STK3: variants seen among roughly 807,000 people sequenced by gnomAD.
The protein encoded by STK3 is serine/threonine kinase 3.
A neutral mutation model predicts 58.0 loss-of-function variants in STK3; 41 were observed. The observed-to-expected ratio is 0.71, with a 90% CI of 0.55 to 0.92. The LOEUF is 0.92. STK3 is among the 40% of genes least tolerant of loss of function. The pLI is 0.00. For synonymous variants in STK3, 170 were observed against 191.0 expected, an observed-to-expected ratio of 0.89 and a Z score of 0.91; for missense variants, 479 against 602.7, an observed-to-expected ratio of 0.79 and a Z score of 2.15.
At chr8:98,697,123 A>G (rs1351495341) in intron 6 of STK3, among the ~76,000 whole-genome samples, 9 of 152,200 alleles carry the variant, frequency 5.9e-5, no homozygotes, top group African/African-American at 1.7e-4. Context: ...CATTTCTTCT[A>G]GATTTTCTAG....
chr8:98,665,869 A>G (rs1333800381), intron 6 of STK3, among the ~76,000 whole-genome samples: 3 of 151,858 alleles, frequency 2.0e-5, no homozygotes, highest in Admixed American at 1.3e-4. Flanking sequence ...ACGCCCGGCT[A>G]ATTTTTTGTA....
rs1820762491 is a variant in STK3 at position 98,469,566 on chromosome 8, G to C, written c.1318-13566C>G. Among the ~76,000 whole-genome samples, 2 of 152,188 alleles carry C rather than the reference G, an allele frequency of 1.3e-5. 1 individual carries two copies. The highest frequency in any genetic ancestry group is 4.1e-4 in the South Asian group (2 of 4,828). On this transcript the variant is annotated intron_variant, in intron 10 of 10. Transcript: ENST00000419617. The stretch of plus-strand genomic sequence containing the variant: ...GAGGTTGGGGGACAGCACAAAGAAT[G>C]GCTGATCTTACTTTACATCTACTGG...
intron 3 of STK3, among the ~76,000 whole-genome samples, chr8:98,854,173 C>T (rs574555895): frequency 3.3e-5 from 5 of 152,254 alleles, no homozygotes; most frequent in African/African-American, 1.2e-4. Context: ...GAGGCTTGTT[C>T]TGTCACCCAG....
intron 4 of STK3, among the ~76,000 whole-genome samples, chr8:98,734,029 G>A (rs1011333674): frequency 1.3e-5 from 2 of 152,082 alleles, no homozygotes; most frequent in African/African-American, 2.4e-5. Flanking sequence ...AGCAAACACC[G>A]AATTCTCATG....
intron 1 of STK3, among the ~76,000 whole-genome samples, chr8:98,785,439 C>T (rs965416561): frequency 6.6e-6 from 1 of 152,188 alleles, no homozygotes; most frequent in Admixed American, 6.5e-5. Flanking sequence ...CCCAGGTACA[C>T]CTCTGGGTGC....
Position 98,680,829 on chromosome 8 carries a change from A to T in STK3, c.684+25638T>A, listed in dbSNP as rs1281349414. 2.6e-5 allele frequency among the ~76,000 whole-genome samples: 4 copies of T among 152,328 alleles called. No individual in the cohort carries two copies. The East Asian group carries it at 5.8e-4, about 22-fold the overall frequency. ...GAATAAGATGGAATAACTTCCAAAT[A>T]AAAAATTATAAATATGACCTTTCAA... is the stretch of plus-strand genomic sequence containing the variant. On this transcript the variant is annotated intron_variant, in intron 6 of 10. Coordinates refer to ENST00000419617, the MANE Select transcript of STK3 (RefSeq NM_006281.4).
chr8:98,755,517 C>T (rs1377024000), intron 3 of STK3, among the ~76,000 whole-genome samples: 1 of 152,196 alleles, frequency 6.6e-6, no homozygotes, highest in Non-Finnish European at 1.5e-5. Context: ...ACTTGGAAGG[C>T]ACTGGAGTAT....
intron 6 of STK3, among the ~76,000 whole-genome samples, chr8:98,691,612 G>C (rs569842527): frequency 6.6e-6 from 1 of 152,182 alleles, no homozygotes; most frequent in Admixed American, 6.5e-5. Context: ...ACTAGAGAGA[G>C]GTTAAACAAA....
chr8:98,546,344 A>C (rs1810698719), intron 9 of STK3, among the ~76,000 whole-genome samples: 1 of 152,134 alleles, frequency 6.6e-6, no homozygotes, highest in African/African-American at 2.4e-5. Context: ...AATACACTGC[A>C]ATCTAAATGA....
intron 1 of STK3, among the ~76,000 whole-genome samples, chr8:98,440,456 C>G (rs150661932): frequency 6.6e-6 from 1 of 152,142 alleles, no homozygotes; most frequent in East Asian, 1.9e-4. Flanking sequence ...ATTCCAGAAC[C>G]CTTTTCATCT....
chr8:98,664,794 G>A (rs1475840744), intron 6 of STK3, among the ~76,000 whole-genome samples: 1 of 152,024 alleles, frequency 6.6e-6, no homozygotes, highest in Non-Finnish European at 1.5e-5. Context: ...CAGCTACTTG[G>A]GAGGCTGAGG....
At chr8:98,385,769 G>C (rs923567269) in intron 1 of STK3, among the ~76,000 whole-genome samples, 7 of 152,086 alleles carry the variant, frequency 4.6e-5, no homozygotes, top group Non-Finnish European at 1.0e-4. Context: ...AAATATTTAG[G>C]AATTGTAGAA....
At chr8:98,412,685 T>C (rs1234472831) in intron 3 of STK3, among the ~76,000 whole-genome samples, 1 of 152,184 alleles carries the variant, frequency 6.6e-6, no homozygotes, top group African/African-American at 2.4e-5. Flanking sequence ...AATGTCCGAT[T>C]TGCAATCTCA....
chr8:98,464,531 A>G (rs1820272661), intron 10 of STK3, among the ~76,000 whole-genome samples: 1 of 130,790 alleles, frequency 7.6e-6, no homozygotes, highest in South Asian at 2.5e-4. Flanking sequence ...AACAGGTAGT[A>G]CTTAAAGTTA....
intron 10 of STK3, 21 bp from the exon 11 acceptor site, chr8:98,456,021 A>G (rs1347579150): frequency 8.2e-6 from 13 of 1,583,312 alleles, no homozygotes; most frequent in African/African-American, 2.7e-5. Flanking sequence ...AAAGAAAGAT[A>G]CCAATACAAT....
chr8:98,447,148 G>A (rs1375553366), intron 1 of STK3, among the ~76,000 whole-genome samples: 1 of 152,044 alleles, frequency 6.6e-6, no homozygotes. Flanking sequence ...ACTAGGCTTA[G>A]TACCTGAATG....
At chr8:98,403,524 A>G (rs1016383704) in intron 3 of STK3, among the ~76,000 whole-genome samples, 1 of 152,180 alleles carries the variant, frequency 6.6e-6, no homozygotes, top group African/African-American at 2.4e-5. Flanking sequence ...TGGAAAATAC[A>G]TGTCCTGGAA....
intron 6 of STK3, among the ~76,000 whole-genome samples, chr8:98,665,474 G>A (rs551684459): frequency 6.6e-6 from 1 of 152,220 alleles, no homozygotes; most frequent in South Asian, 2.1e-4. Context: ...ATGACTCACT[G>A]TAGCCTCAGT....
chr8:98,661,353 A>G (rs1385783231), intron 6 of STK3, among the ~76,000 whole-genome samples: 1 of 152,130 alleles, frequency 6.6e-6, no homozygotes, highest in African/African-American at 2.4e-5. Context: ...AGCTCAATGA[A>G]GTTTTAAAAT....
Sources: allele counts gnomAD v4.1 joint callset (sites outside exome capture counted in the v4.1 genomes callset), GRCh38; gene constraint gnomAD v4.1.1; transcripts MANE v1.5; gene names NCBI Gene and HGNC (gene_info 2026-07-23, HGNC 2026-07-21).